IL5RA: variants seen among roughly 807,000 people sequenced by gnomAD.
IL5RA encodes the protein interleukin-5 receptor subunit alpha.
A neutral mutation model predicts 50.0 loss-of-function variants in IL5RA; 49 were observed. The ratio of observed to expected loss-of-function variants is 0.98; its 90% confidence interval spans 0.78 to 1.24. The LOEUF (loss-of-function observed/expected upper bound fraction) is 1.24, where lower values mean the gene tolerates loss of function less well. IL5RA is among the 50% of genes most tolerant of loss of function. The pLI is 0.00. For synonymous variants in IL5RA, 202 were observed against 174.0 expected, an observed-to-expected ratio of 1.16 and a Z score of -1.26; for missense variants, 600 against 500.4, an observed-to-expected ratio of 1.20 and a Z score of -1.90.
intron 11 of IL5RA, chr3:3,073,663 C>A: frequency 3.2e-6 from 1 of 309,304 alleles, no homozygotes; most frequent in South Asian, 2.8e-5. Context: ...GTAAAGAAAA[C>A]CTAAATAAAT....
intron 9 of IL5RA, among the ~76,000 whole-genome samples, chr3:3,076,899 G>A (rs922532346): frequency 2.0e-5 from 3 of 152,194 alleles, no homozygotes; most frequent in Non-Finnish European, 4.4e-5. Flanking sequence ...CAATCAATCA[G>A]CAAATATTTA....
Position 3,092,433 on chromosome 3 carries a change from G to A in IL5RA, c.856-71C>T, listed in dbSNP as rs1703167336. 2 of 1,433,622 alleles carry A rather than the reference G, an allele frequency of 1.4e-6. No individual in the cohort carries two copies. Among genetic ancestry groups the A allele is most frequent in the South Asian group, 1.2e-5 (1 of 83,148 alleles). 88.8% of individuals were successfully genotyped at this position (1,433,622 alleles called of 1,614,324 possible). A position where few individuals can be genotyped will look rare whatever the true frequency, so the allele number is the denominator to read the frequency against. ...TTAGTTCTGCCGATTATCAGAATGG[G>A]AGGTCCTATATAGGTCATGTGACTC... On this transcript the variant is annotated intron_variant, in intron 8 of 11. Transcript: ENST00000446632. The surrounding 1 kb of genome is among the most constrained non-coding windows in gnomAD (Gnocchi z 4.2).
chr3:3,085,827 T>A (rs1702834600), intron 9 of IL5RA, among the ~76,000 whole-genome samples: 1 of 152,044 alleles, frequency 6.6e-6, no homozygotes, highest in South Asian at 2.1e-4. Flanking sequence ...CTCCACCAGC[T>A]CAAACTCCGA....
At position 3,098,239 on chromosome 3, in the gene IL5RA, T is replaced by G. The variant is rs759343731; in HGVS notation, c.419A>C (p.Glu140Ala). The change falls in exon 6 of 12, where the codon GAA becomes GCA. Residue 140 changes from glutamate (E) to alanine (A), a missense_variant. By Grantham distance (107) the Glu-to-Ala change is moderately radical. Coordinates refer to ENST00000446632, the MANE Select transcript of IL5RA (RefSeq NM_175726.4). ...TGACCTTAAACGTGAATAATTGTCT[T>G]CTGTAGTGTTTGTGGTGCAAGTTAA... ...VNLTCTTNTT[E>A]DNYSRLRSYQ... 36 of 1,613,972 alleles carry G rather than the reference T, an allele frequency of 2.2e-5. No homozygotes were observed. Among genetic ancestry groups the G allele is most frequent in the Non-Finnish European group, 3.1e-5 (36 of 1,179,964 alleles).
chr3:3,082,084 C>A (rs907563546), intron 9 of IL5RA, among the ~76,000 whole-genome samples: 2 of 152,074 alleles, frequency 1.3e-5, no homozygotes, highest in Admixed American at 1.3e-4. Context: ...AAAAAAAATG[C>A]CAGTACATTA....
chr3:3,085,471 A>G (rs1323381627), intron 9 of IL5RA, among the ~76,000 whole-genome samples: 2 of 152,174 alleles, frequency 1.3e-5, no homozygotes, highest in African/African-American at 4.8e-5. Flanking sequence ...GGATCAGGAG[A>G]GACAGAGAGA....
chr3:3,081,075 ATTTT>A (rs1702648353), intron 9 of IL5RA, among the ~76,000 whole-genome samples: 2 of 152,082 alleles, frequency 1.3e-5, no homozygotes, highest in African/African-American at 4.8e-5. Flanking sequence ...CATTAGCCAC[ATTTT>A]GTTAAATAAT....
intron 7 of IL5RA, among the ~76,000 whole-genome samples, chr3:3,096,234 C>T (rs1375773897): frequency 6.6e-6 from 1 of 150,786 alleles, no homozygotes; most frequent in East Asian, 2.0e-4. Context: ...GCCGAGATCG[C>T]GCCACTGCAC....
intron 3 of IL5RA, among the ~76,000 whole-genome samples, chr3:3,103,604 G>T (rs1337740133): frequency 6.6e-6 from 1 of 152,072 alleles, no homozygotes; most frequent in East Asian, 1.9e-4. Flanking sequence ...GAAAGAAAAG[G>T]TTTCTTCCCC....
At chr3:3,087,326 T>A (rs1164800603) in intron 9 of IL5RA, among the ~76,000 whole-genome samples, 1 of 152,130 alleles carries the variant, frequency 6.6e-6, no homozygotes, top group African/African-American at 2.4e-5. Context: ...TTGCTAACTA[T>A]ACCCCCTCCC....
At chr3:3,077,738 A>G (rs1702536619) in intron 9 of IL5RA, among the ~76,000 whole-genome samples, 1 of 152,218 alleles carries the variant, frequency 6.6e-6, no homozygotes, top group African/African-American at 2.4e-5. Context: ...ACTGCACTCC[A>G]GTCTGGGGGA....
chr3:3,072,967 G>A (rs1381941146), intron 11 of IL5RA, among the ~76,000 whole-genome samples: 3 of 152,098 alleles, frequency 2.0e-5, no homozygotes, highest in African/African-American at 4.8e-5. Flanking sequence ...AGCAAGGAGG[G>A]ACTGGCAGCA....
In IL5RA at chr3:3,067,993, G is replaced by T. The variant is rs919813494; in HGVS notation, c.*2232C>A. On this transcript the variant is annotated 3_prime_UTR_variant, in exon 12 of 12. Transcript: ENST00000446632. ...GAGATCAGACAGGGTGCTCCAAGCC[G>T]CCCCAAAAGGACAGTTTTCTGGGGA... is the stretch of plus-strand genomic sequence containing the variant. 1.3e-5 allele frequency: 2 copies of T among 152,174 alleles called. No homozygotes were observed. The highest frequency in any genetic ancestry group is 4.8e-5 in the African/African-American group (2 of 41,436). 9.4% of individuals were successfully genotyped at this position (152,174 alleles called of 1,614,324 possible).
intron 7 of IL5RA, among the ~76,000 whole-genome samples, chr3:3,096,770 T>C (rs1703386702): frequency 6.6e-6 from 1 of 152,244 alleles, no homozygotes; most frequent in South Asian, 2.1e-4. Flanking sequence ...TAGTAAGGGC[T>C]ATGATTCTTT....
chr3:3,076,509 C>T (rs754954762), intron 10 of IL5RA, 22 bp downstream of exon 10: 36 of 1,486,440 alleles, frequency 2.4e-5, no homozygotes, highest in African/African-American at 6.9e-5. Context: ...ACTGCAAGCA[C>T]GCAAATGTAA....
At position 3,110,094 on chromosome 3, in the gene IL5RA, A is replaced by G. The variant is rs1437111103; in HGVS notation, c.-295T>C. 2 of 152,234 alleles carry G rather than the reference A, an allele frequency of 1.3e-5. No homozygotes were observed. Among genetic ancestry groups the G allele is most frequent in the South Asian group, 2.1e-4 (1 of 4,834 alleles). The allele number at this position is 152,234 out of a possible 1,614,324, so 9.4% of individuals were successfully genotyped here. On this transcript the variant is annotated 5_prime_UTR_variant, in exon 1 of 12. It removes an upstream start codon present in the reference 5' UTR. Coordinates refer to ENST00000446632, the MANE Select transcript of IL5RA (RefSeq NM_175726.4). ...TAAAAACTCTCAGGCAGCTTCCTTCATGATGGGATGGCAACACGTTTTCTC... is the reference window on the plus strand; with the variant it reads ...TAAAAACTCTCAGGCAGCTTCCTTCGTGATGGGATGGCAACACGTTTTCTC...
At chr3:3,079,997 A>G (rs1366033140) in intron 9 of IL5RA, among the ~76,000 whole-genome samples, 1 of 152,128 alleles carries the variant, frequency 6.6e-6, no homozygotes, top group African/African-American at 2.4e-5. Context: ...ACGCAACTGC[A>G]CTCCAGCCTG....
chr3:3,094,134 G>T (rs1442834058), intron 8 of IL5RA, among the ~76,000 whole-genome samples: 1 of 152,058 alleles, frequency 6.6e-6, no homozygotes, highest in East Asian at 1.9e-4. Context: ...TACATATAAT[G>T]AAATTTACCA....
rs5846242 is a variant in IL5RA, at chr3:3,096,289, A to AAAGAAG, written c.710-851_710-846dup. ...CAAGAAATCTGTCTCAAAAAAAAAA[A>AAAGAAG]AAGAAGAAGAAGAAGAAGAAGAGTG... On this transcript the variant is annotated intron_variant, in intron 7 of 11. Coordinates refer to ENST00000446632, the MANE Select transcript of IL5RA (RefSeq NM_175726.4). Among the ~76,000 whole-genome samples, 731 of 141,346 alleles carry AAAGAAG rather than the reference A, an allele frequency of 5.2e-3. 12 individuals carry two copies. The highest frequency in any genetic ancestry group is 0.022 in the Admixed American group (306 of 14,132). 92.7% of individuals were successfully genotyped at this position (141,346 alleles called of 152,430 possible). A position where few individuals can be genotyped will look rare whatever the true frequency, so the allele number is the denominator to read the frequency against.
Sources: allele counts gnomAD v4.1 joint callset (sites outside exome capture counted in the v4.1 genomes callset), GRCh38; gene constraint gnomAD v4.1.1; non-coding constraint Gnocchi (gnomAD v3.1); transcripts MANE v1.5; gene names NCBI Gene and HGNC (gene_info 2026-07-23, HGNC 2026-07-21).